Variants in CAMK2B observed in about 807,000 individuals in gnomAD.
CAMK2B encodes the protein calcium/calmodulin-dependent protein kinase type II subunit beta.
CAMK2B carries 27 observed loss-of-function variants against 93.7 expected under a neutral mutation model. The ratio of observed to expected loss-of-function variants is 0.29; its 90% CI spans 0.21 to 0.40. CAMK2B has a LOEUF of 0.40. CAMK2B is among the 10% of genes least tolerant of loss of function. The probability of loss-of-function intolerance (pLI) is 1.00; values close to 1 mark genes in which losing one functional copy is unlikely to be tolerated. For missense variants in CAMK2B, 568 were observed against 895.8 expected (o/e 0.63, Z 4.67); for synonymous variants, 374 against 358.8 (o/e 1.04, Z -0.48).
intron 2 of CAMK2B, among the ~76,000 whole-genome samples, chr7:44,265,443 G>A (rs545243903): frequency 6.6e-6 from 1 of 152,364 alleles, no homozygotes; most frequent in African/African-American, 2.4e-5. Context: ...GGGACGTGTG[G>A]GCCAGAGCCA....
intron 3 of CAMK2B, among the ~76,000 whole-genome samples, chr7:44,260,841 C>A (rs1427914660): frequency 6.6e-6 from 1 of 152,194 alleles, no homozygotes; most frequent in East Asian, 1.9e-4. Context: ...CTCCTCTCTG[C>A]CCCCACCAAG....
In CAMK2B at chr7:44,234,348, G is replaced by T. The variant is rs939905977; in HGVS notation, c.1131+42C>A. On this transcript the variant is annotated intron_variant, in intron 15 of 23. Transcript: ENST00000395749. ...ACCAGCGGCAATCACACAGCCAGGG[G>T]CGTAGGAGGGGCTGAGAGGCAGAAT... The T allele has an allele frequency of 4.8e-6, 7 of 1,463,958 alleles. No homozygotes were observed. The African/African-American group carries it at 5.7e-5, about 12-fold the overall frequency. The allele number at this position is 1,463,958 out of a possible 1,614,324, so 90.7% of individuals were successfully genotyped here.
rs745900787 is a variant in CAMK2B, at chr7:44,279,913, C to T, written c.160+4218G>A. ...CATGCAACACAACTTTTGGAGTGAA[C>T]GAGCACAAGACAGGTCAGTGGCAGC... On this transcript the variant is annotated intron_variant, in intron 2 of 23. Coordinates refer to ENST00000395749, the MANE Select transcript of CAMK2B (RefSeq NM_001220.5). Among the ~76,000 whole-genome samples the T allele has an allele frequency of 4.9e-4, 74 of 152,322 alleles. 1 individual carries two copies. The highest frequency in any genetic ancestry group is 1.7e-3 in the African/African-American group (70 of 41,568).
At chr7:44,322,769 G>A (rs904625571) in intron 1 of CAMK2B, among the ~76,000 whole-genome samples, 1 of 152,262 alleles carries the variant, frequency 6.6e-6, no homozygotes, top group Non-Finnish European at 1.5e-5. Context: ...AGCAGAAAAG[G>A]ATGGGGCAAG....
chr7:44,325,362 A>G lies in CAMK2B; in HGVS notation c.60T>C (p.Ile20=). The change falls in exon 1 of 24, where the codon ATT becomes ATC. Residue 20 remains isoleucine, a synonymous_variant. Transcript: ENST00000395749. ...GCGCGCGCCGCTGCTCTTACTTGCC[A>G]ATATCCTCGTAGAGCTGGTACTCGT... ...FTDEYQLYED[I]GKGAFSVVRR... The G allele has an allele frequency of 1.6e-6, 2 of 1,255,570 alleles. No individual in the cohort carries two copies. Among genetic ancestry groups the G allele is most frequent in the Non-Finnish European group, 2.1e-6 (2 of 970,536 alleles). 77.8% of individuals were successfully genotyped at this position (1,255,570 alleles called of 1,614,324 possible). A position where few individuals can be genotyped will look rare whatever the true frequency, so the allele number is the denominator to read the frequency against.
At chr7:44,323,739 C>A (rs1481841707) in intron 1 of CAMK2B, 2 of 154,990 alleles carry the variant, frequency 1.3e-5, no homozygotes, top group Non-Finnish European at 2.9e-5. Context: ...AACAAGAAGG[C>A]TCCTGAGGAA....
At chr7:44,233,062 G>A (rs945712699) in intron 15 of CAMK2B, among the ~76,000 whole-genome samples, 196 bp from the exon 16 acceptor site, 9 of 152,050 alleles carry the variant, frequency 5.9e-5, no homozygotes, top group African/African-American at 1.7e-4. Context: ...TGGGTCAGCC[G>A]GCAGGGATGG....
chr7:44,262,912 C>T, intron 3 of CAMK2B, 93 bp downstream of exon 3: 1 of 1,080,862 alleles, frequency 9.3e-7, no homozygotes, highest in Middle Eastern at 2.1e-4. Context: ...AGTCTTTCTG[C>T]ATCTCTTTGA....
chr7:44,235,807 G>A (rs1039973260), intron 13 of CAMK2B, among the ~76,000 whole-genome samples: 1 of 152,202 alleles, frequency 6.6e-6, no homozygotes, highest in Non-Finnish European at 1.5e-5. Flanking sequence ...AAGGAAGGTG[G>A]CACAGCAATC....
chr7:44,246,092 C>G (rs765415873), intron 6 of CAMK2B, among the ~76,000 whole-genome samples: 6 of 152,156 alleles, frequency 3.9e-5, no homozygotes, highest in Non-Finnish European at 8.8e-5. Flanking sequence ...AACTGCTTTG[C>G]CCAGACCTGA....
chr7:44,238,737 G>A (rs2096648623), intron 13 of CAMK2B, among the ~76,000 whole-genome samples: 1 of 152,232 alleles, frequency 6.6e-6, no homozygotes, highest in African/African-American at 2.4e-5. Context: ...GCTCAGCCCA[G>A]GGAGGATCTG....
Position 44,230,989 on chromosome 7 carries a change from G to T in CAMK2B, c.1225+17C>A. 1 of 1,551,954 alleles carries T rather than the reference G, an allele frequency of 6.4e-7. No homozygotes were observed. Among genetic ancestry groups the T allele is most frequent in the South Asian group, 1.2e-5 (1 of 84,000 alleles). ...ATGCCAAGGCCGCTGGGGGGGCAAG[G>T]ACTCAAGTGCAGGTACCTTTAGCGT... is the stretch of plus-strand genomic sequence containing the variant. On this transcript the variant is annotated intron_variant, in intron 17 of 23. Coordinates refer to ENST00000395749, the MANE Select transcript of CAMK2B (RefSeq NM_001220.5).
chr7:44,287,012 G>A (rs1785318102), intron 1 of CAMK2B, among the ~76,000 whole-genome samples: 1 of 152,118 alleles, frequency 6.6e-6, no homozygotes, highest in South Asian at 2.1e-4. Context: ...CCCTGCTCTT[G>A]GACACAGGCC....
At chr7:44,279,008 A>G (rs1457385459) in intron 2 of CAMK2B, among the ~76,000 whole-genome samples, 2 of 152,232 alleles carry the variant, frequency 1.3e-5, no homozygotes, top group Admixed American at 6.5e-5. Flanking sequence ...AGACAACCCA[A>G]TTGTGCAGGG....
chr7:44,227,946 G>A, intron 19 of CAMK2B, among the ~76,000 whole-genome samples: 1 of 135,640 alleles, frequency 7.4e-6, no homozygotes, highest in East Asian at 2.5e-4. Flanking sequence ...GACCGAGGGG[G>A]ATATGGGGGG....
intron 20 of CAMK2B, 51 bp from the exon 21 acceptor site, chr7:44,220,952 G>C: frequency 1.3e-6 from 2 of 1,487,826 alleles, no homozygotes; most frequent in Non-Finnish European, 1.8e-6. Context: ...CATTCCCCCC[G>C]GACCCCTCCA....
intron 1 of CAMK2B, among the ~76,000 whole-genome samples, chr7:44,292,923 A>G (rs1787254435): frequency 6.6e-6 from 1 of 152,206 alleles, no homozygotes; most frequent in Non-Finnish European, 1.5e-5. Flanking sequence ...TCATCCAAGG[A>G]TACACCCAAA....
chr7:44,276,176 G>A (rs1038897043), intron 2 of CAMK2B, among the ~76,000 whole-genome samples: 15 of 151,940 alleles, frequency 9.9e-5, no homozygotes, highest in Non-Finnish European at 1.8e-4. Flanking sequence ...GAGCCGGGGA[G>A]GAGGGAAAGG....
In CAMK2B at chr7:44,225,686, C is replaced by T. The variant is rs1463441034; in HGVS notation, c.1597+830G>A. 14 of 1,253,608 alleles carry T rather than the reference C, an allele frequency of 1.1e-5. No homozygotes were observed. The highest frequency in any genetic ancestry group is 3.1e-5 in the African/African-American group (2 of 65,188). 77.7% of individuals were successfully genotyped at this position (1,253,608 alleles called of 1,614,324 possible). A position where few individuals can be genotyped will look rare whatever the true frequency, so the allele number is the denominator to read the frequency against. ...TCTCCCCACACCCTTCTGCCCTGGC[C>T]GCCTGCAGCAGCCCCCAGGCCCAGC... On this transcript the variant is annotated intron_variant, in intron 20 of 23. Coordinates refer to ENST00000395749, the MANE Select transcript of CAMK2B (RefSeq NM_001220.5). This position sits in a 1 kb window ranked among gnomAD's most constrained non-coding sequence, Gnocchi z 5.0.
Sources: gnomAD v4.1 joint callset for allele counts (sites outside exome capture counted in the v4.1 genomes callset) on GRCh38, gnomAD v4.1.1 for gene constraint, Gnocchi (gnomAD v3.1) non-coding constraint, MANE v1.5 for transcripts, NCBI Gene and HGNC (gene_info 2026-07-23, HGNC 2026-07-21) for gene names.